ATF1: variants seen among roughly 807,000 people sequenced by gnomAD.
ATF1 encodes cyclic AMP-dependent transcription factor ATF-1.
In ATF1, 16 loss-of-function variants were observed where a neutral mutation model predicts 34.7. The ratio of observed to expected loss-of-function variants is 0.46; its 90% confidence interval spans 0.31 to 0.70. ATF1 has a LOEUF of 0.70. Among genes scored for constraint, ATF1 ranks in the 30% least tolerant of loss-of-function variants. The pLI is 0.05. For missense variants in ATF1, 255 were observed against 321.6 expected (o/e 0.79, Z 1.58); for synonymous variants, 105 against 113.1 (o/e 0.93, Z 0.46).
intron 1 of ATF1, among the ~76,000 whole-genome samples, chr12:50,769,340 A>C (rs1023283910): frequency 1.3e-5 from 2 of 151,996 alleles, no homozygotes; most frequent in African/African-American, 4.8e-5. Context: ...CCCCATCTCT[A>C]TCAAAAAATA....
intron 3 of ATF1, among the ~76,000 whole-genome samples, chr12:50,801,301 T>C (rs1941506604): frequency 6.6e-6 from 1 of 152,216 alleles, no homozygotes; most frequent in South Asian, 2.1e-4. Flanking sequence ...GGTATCTATA[T>C]ACCCCTAGAG....
intron 6 of ATF1, 73 bp downstream of exon 6, chr12:50,814,512 G>T (rs1941802832): frequency 4.8e-6 from 7 of 1,463,726 alleles, no homozygotes; most frequent in Non-Finnish European, 5.6e-6. Context: ...GATGTTAACT[G>T]GAACTGTATA....
chr12:50,785,579 T>G (rs1941170279), intron 2 of ATF1, among the ~76,000 whole-genome samples: 1 of 152,238 alleles, frequency 6.6e-6, no homozygotes. Context: ...CTGGGTTCTT[T>G]GCTTTGCGGT....
In ATF1 at chr12:50,795,781, G is replaced by T. The variant is rs1175175008; in HGVS notation, c.94-128G>T. 6 of 728,298 alleles carry T rather than the reference G, an allele frequency of 8.2e-6. No homozygotes were observed. In the Admixed American group the frequency reaches 1.5e-4, roughly 18 times the overall value. 45.1% of individuals were successfully genotyped at this position (728,298 alleles called of 1,614,324 possible). ...CTTTTCCTTTTGTTCCTTTCTTTTA[G>T]ACTTTAGATTTAATGTACAAATGAA... On this transcript the variant is annotated intron_variant, in intron 2 of 6. Coordinates refer to ENST00000262053, the MANE Select transcript of ATF1 (RefSeq NM_005171.5).
chr12:50,804,005 T>C (rs2139681473), intron 3 of ATF1, among the ~76,000 whole-genome samples: 1 of 152,292 alleles, frequency 6.6e-6, no homozygotes, highest in African/African-American at 2.4e-5. Context: ...GGGACAAAAG[T>C]GTTCTAAAAT....
intron 1 of ATF1, among the ~76,000 whole-genome samples, chr12:50,765,630 T>A: frequency 6.6e-6 from 1 of 152,166 alleles, no homozygotes; most frequent in East Asian, 1.9e-4. Flanking sequence ...CTGGGCTGCA[T>A]TCCCAGACAG....
chr12:50,769,789 C>T (rs1940727848), intron 1 of ATF1, among the ~76,000 whole-genome samples: 2 of 152,076 alleles, frequency 1.3e-5, no homozygotes, highest in Non-Finnish European at 2.9e-5. Flanking sequence ...TTGTTTTAAT[C>T]CTGTTTAGAA....
At chr12:50,791,479 C>G (rs1018169444) in intron 2 of ATF1, among the ~76,000 whole-genome samples, 1 of 151,956 alleles carries the variant, frequency 6.6e-6, no homozygotes, top group Non-Finnish European at 1.5e-5. Flanking sequence ...TCGTTTGAAC[C>G]CAGGGGTGGA....
intron 3 of ATF1, among the ~76,000 whole-genome samples, chr12:50,798,677 C>T (rs969432858): frequency 6.6e-6 from 1 of 152,000 alleles, no homozygotes; most frequent in African/African-American, 2.4e-5. Flanking sequence ...AGAAACTTCT[C>T]AAAGTTAAGC....
chr12:50,792,495 T>C (rs1941326524), intron 2 of ATF1, among the ~76,000 whole-genome samples: 1 of 152,214 alleles, frequency 6.6e-6, no homozygotes, highest in African/African-American at 2.4e-5. Flanking sequence ...CCCAGTCTTC[T>C]GTAATTCACC....
intron 1 of ATF1, among the ~76,000 whole-genome samples, chr12:50,774,474 T>C (rs1353728971): frequency 6.6e-6 from 1 of 152,212 alleles, no homozygotes; most frequent in Non-Finnish European, 1.5e-5. Context: ...TGTTTCTGCC[T>C]GACTTTGGGT....
intron 3 of ATF1, among the ~76,000 whole-genome samples, chr12:50,805,423 T>C (rs1941595638): frequency 6.6e-6 from 1 of 151,740 alleles, no homozygotes; most frequent in Non-Finnish European, 1.5e-5. Context: ...CTGAGTGTGG[T>C]AGTGCATGCC....
At chr12:50,780,516 T>C (rs1347839916) in intron 2 of ATF1, among the ~76,000 whole-genome samples, 1 of 151,888 alleles carries the variant, frequency 6.6e-6, no homozygotes, top group Non-Finnish European at 1.5e-5. Flanking sequence ...GGCTATTTTT[T>C]GTATTTTTAG....
chr12:50,775,657 CAGTG>C (rs1360783034), intron 1 of ATF1: 1 of 152,158 alleles, frequency 6.6e-6, no homozygotes, highest in African/African-American at 2.4e-5. Flanking sequence ...GGAAAAAAAT[CAGTG>C]AGTCAGAGCA....
intron 1 of ATF1, among the ~76,000 whole-genome samples, chr12:50,774,963 G>T (rs973842185): frequency 1.3e-5 from 2 of 151,884 alleles, no homozygotes; most frequent in African/African-American, 2.4e-5. Flanking sequence ...ACAGAATGGT[G>T]TCGATCTCCT....
At chr12:50,781,072 GTTT>G (rs1191932839) in intron 2 of ATF1, among the ~76,000 whole-genome samples, 3 of 152,098 alleles carry the variant, frequency 2.0e-5, no homozygotes, top group Non-Finnish European at 2.9e-5. Flanking sequence ...AGATCATTTA[GTTT>G]TATTTTCTTT....
At chr12:50,774,356 C>T (rs1389424510) in intron 1 of ATF1, among the ~76,000 whole-genome samples, 1 of 152,052 alleles carries the variant, frequency 6.6e-6, no homozygotes, top group Non-Finnish European at 1.5e-5. Flanking sequence ...TAAAAGGGCC[C>T]TGCCTTCCCT....
intron 1 of ATF1, among the ~76,000 whole-genome samples, chr12:50,766,331 T>TA (rs930267875): frequency 1.3e-5 from 2 of 152,154 alleles, no homozygotes; most frequent in Non-Finnish European, 2.9e-5. Context: ...TATAGGGAGT[T>TA]AGAGTCCCTC....
intron 6 of ATF1, among the ~76,000 whole-genome samples, 178 bp from the exon 7 acceptor site, chr12:50,819,457 C>T (rs960152764): frequency 1.3e-5 from 2 of 152,118 alleles, no homozygotes; most frequent in African/African-American, 4.8e-5. Flanking sequence ...GTGGGTTATA[C>T]AGGTATACAC....
Sources: gnomAD v4.1 joint callset for allele counts (sites outside exome capture counted in the v4.1 genomes callset) on GRCh38, gnomAD v4.1.1 for gene constraint, MANE v1.5 for transcripts, NCBI Gene and HGNC (gene_info 2026-07-23, HGNC 2026-07-21) for gene names.